The following PCDH15 variants were observed in gnomAD, a reference collection of about 807,000 sequenced individuals.
PCDH15 encodes protocadherin-15.
PCDH15 carries 129 observed loss-of-function variants against 178.5 expected under a neutral mutation model. The ratio of observed to expected loss-of-function variants is 0.72; its 90% confidence interval spans 0.63 to 0.84. The LOEUF is 0.84. Ranked by LOEUF, PCDH15 falls within the 40% of genes least tolerant of loss-of-function variation. The pLI is 0.00. For missense variants in PCDH15, 2,230 were observed against 2,099.9 expected (o/e 1.06, Z -1.21); for synonymous variants, 800 against 732.0 (o/e 1.09, Z -1.50).
chr10:54,110,986 A>G (rs2095012293), intron 15 of PCDH15, among the ~76,000 whole-genome samples: 1 of 152,056 alleles, frequency 6.6e-6, no homozygotes, highest in Non-Finnish European at 1.5e-5. Context: ...AGTTAAGTAT[A>G]GAAACACCAT....
intron 2 of PCDH15, among the ~76,000 whole-genome samples, chr10:54,631,058 T>C (rs1565800699): frequency 6.6e-6 from 1 of 152,136 alleles, no homozygotes; most frequent in African/African-American, 2.4e-5. Flanking sequence ...TCATGTAAAA[T>C]TGTAATCCCC....
At chr10:53,809,622 G>T (rs549770834) in intron 37 of PCDH15, 2 of 1,388,178 alleles carry the variant, frequency 1.4e-6, no homozygotes, top group Non-Finnish European at 2.0e-6. Flanking sequence ...CGAAAGCTAC[G>T]CAGGAATGAA....
chr10:54,174,702 C>T (rs796428983), intron 13 of PCDH15, among the ~76,000 whole-genome samples: 76 of 84,008 alleles, frequency 9.0e-4, no homozygotes, highest in African/African-American at 1.4e-3. Context: ...TTTTTCTTTT[C>T]TTTTTTTTTT....
chr10:55,292,752 G>T (rs1843039843), intron 1 of PCDH15, among the ~76,000 whole-genome samples: 2 of 152,232 alleles, frequency 1.3e-5, no homozygotes, highest in African/African-American at 4.8e-5. Context: ...TCACGCTGAA[G>T]CAAGAGGTCA....
intron 2 of PCDH15, among the ~76,000 whole-genome samples, chr10:55,104,776 G>T (rs1365113539): frequency 1.3e-5 from 2 of 152,012 alleles, no homozygotes; most frequent in South Asian, 2.1e-4. Context: ...GAAAAAATCC[G>T]GCATCACTAG....
chr10:53,904,235 T>A (rs1407670141), intron 25 of PCDH15, among the ~76,000 whole-genome samples: 1 of 152,210 alleles, frequency 6.6e-6, no homozygotes, highest in Non-Finnish European at 1.5e-5. Context: ...TGCTAATGTA[T>A]TACATAAGTC....
chr10:54,591,613 G>A (rs2091893965), intron 2 of PCDH15, among the ~76,000 whole-genome samples: 1 of 152,064 alleles, frequency 6.6e-6, no homozygotes, highest in African/African-American at 2.4e-5. Context: ...AAATTGCTAA[G>A]ACAGCAGTAG....
At position 55,434,077 on chromosome 10, in the gene PCDH15, C is replaced by CTTTTTTTTTTTTTT. The variant is rs60921527; in HGVS notation, c.-156+193534_-156+193547dup. Among the ~76,000 whole-genome samples, 103 of 90,816 alleles carry CTTTTTTTTTTTTTT rather than the reference C, an allele frequency of 1.1e-3. 2 individuals carry two copies. Among genetic ancestry groups the CTTTTTTTTTTTTTT allele is most frequent in the African/African-American group, 2.1e-3 (47 of 22,304 alleles). The allele number at this position is 90,816 out of a possible 152,430, so 59.6% of individuals were successfully genotyped here. Reference sequence around the variant, plus strand: ...AATTCTCCGCTTTTTCTTTTCTTTTCTTTTTTTTTTTTTTTTTTTTTGAGA... The same window carrying CTTTTTTTTTTTTTT: ...AATTCTCCGCTTTTTCTTTTCTTTTCTTTTTTTTTTTTTTTTTTTTTTTTTTTTTTTTTTTGAGA... On this transcript the variant is annotated intron_variant, in intron 2 of 5. Coordinates refer to the PCDH15 transcript ENST00000613346.
At chr10:55,426,406 T>A (rs1179894162) in intron 2 of PCDH15, among the ~76,000 whole-genome samples, 1 of 152,046 alleles carries the variant, frequency 6.6e-6, no homozygotes, top group Non-Finnish European at 1.5e-5. Flanking sequence ...CCACCCCTCA[T>A]GGAAGGGGTC....
At chr10:55,371,134 C>CA (rs1845497943) in intron 2 of PCDH15, among the ~76,000 whole-genome samples, 1 of 151,754 alleles carries the variant, frequency 6.6e-6, no homozygotes, top group African/African-American at 2.4e-5. Context: ...AAGGAAAGGA[C>CA]AATTTTTAAA....
At chr10:54,416,528 A>G (rs1355873107) in intron 3 of PCDH15, among the ~76,000 whole-genome samples, 1 of 152,136 alleles carries the variant, frequency 6.6e-6, no homozygotes, top group African/African-American at 2.4e-5. Flanking sequence ...TCTATCACTG[A>G]TAGACATTTG....
At chr10:54,471,404 CA>C (rs1345409635) in intron 3 of PCDH15, among the ~76,000 whole-genome samples, 1 of 151,988 alleles carries the variant, frequency 6.6e-6, no homozygotes, top group African/African-American at 2.4e-5. Flanking sequence ...TCAGGCTATC[CA>C]AACCTAAATA....
intron 2 of PCDH15, among the ~76,000 whole-genome samples, chr10:55,090,426 G>T (rs1333312312): frequency 1.3e-5 from 2 of 151,964 alleles, no homozygotes; most frequent in Non-Finnish European, 2.9e-5. Context: ...TGAGAAGAGG[G>T]CTAGGATCAC....
intron 2 of PCDH15, among the ~76,000 whole-genome samples, chr10:55,047,102 G>A (rs923366332): frequency 5.3e-5 from 8 of 151,528 alleles, no homozygotes; most frequent in African/African-American, 1.9e-4. Flanking sequence ...ATTACATGAA[G>A]GAACAAAATG....
chr10:54,476,398 T>A (rs539624297), intron 3 of PCDH15, among the ~76,000 whole-genome samples: 27 of 152,208 alleles, frequency 1.8e-4, no homozygotes, highest in African/African-American at 6.0e-4. Context: ...GATAACATAA[T>A]CATTTTCTTT....
At chr10:54,133,858 T>TACACAC (rs142011670) in intron 14 of PCDH15, among the ~76,000 whole-genome samples, 21,137 of 120,266 alleles carry the variant, frequency 0.18, 2,361 homozygotes, top group East Asian at 0.72. Flanking sequence ...TATGTATACA[T>TACACAC]ACACACACAC....
intron 2 of PCDH15, among the ~76,000 whole-genome samples, chr10:55,057,266 T>C (rs1176816754): frequency 6.6e-6 from 1 of 152,176 alleles, no homozygotes; most frequent in African/African-American, 2.4e-5. Context: ...TGTAATTTTT[T>C]TCCCTTGATT....
intron 28 of PCDH15, among the ~76,000 whole-genome samples, chr10:53,841,796 G>A (rs764082291): frequency 1.3e-5 from 2 of 152,048 alleles, no homozygotes; most frequent in Non-Finnish European, 2.9e-5. Context: ...AAAGGAGGAG[G>A]AGCAAATTCA....
intron 2 of PCDH15, among the ~76,000 whole-genome samples, chr10:55,455,734 A>G (rs1839536618): frequency 6.6e-6 from 1 of 152,124 alleles, no homozygotes; most frequent in Admixed American, 6.6e-5. Context: ...TAAAAAATGT[A>G]ATTATTTATT....
Sources: allele counts gnomAD v4.1 joint callset (sites outside exome capture counted in the v4.1 genomes callset), GRCh38; gene constraint gnomAD v4.1.1; transcripts MANE v1.5; gene names NCBI Gene and HGNC (gene_info 2026-07-23, HGNC 2026-07-21).